DEFB131A: variants seen among roughly 807,000 people sequenced by gnomAD.
DEFB131A encodes the protein beta-defensin 131A.
A neutral mutation model predicts 2.4 loss-of-function variants in DEFB131A; 5 were observed. The observed-to-expected ratio is 2.12, with a 90% confidence interval of 1.11 to 4.47. The LOEUF is 4.47. DEFB131A is among the 30% of genes most tolerant of loss of function. The probability of loss-of-function intolerance (pLI) is 0.00; values close to 1 mark genes in which losing one functional copy is unlikely to be tolerated. For synonymous variants in DEFB131A, 34 were observed against 25.7 expected, an observed-to-expected ratio of 1.32 and a Z score of -0.97; for missense variants, 120 against 79.9, an observed-to-expected ratio of 1.50 and a Z score of -1.91.
In DEFB131A at chr4:9,450,392, T is replaced by C; in HGVS notation, c.91T>C (p.Ser31Pro). ...RSFISNDECPSEYYHCRLKCN... is the reference protein window; with the variant it reads ...RSFISNDECPPEYYHCRLKCN... ...CTTCATTTCTAATGATGAATGTCCT[T>C]CAGAATATTATCATTGCAGACTGAA... Residue 31 changes from serine (S) to proline (P), a missense_variant, in exon 2 of 2, where the codon TCA (serine) becomes CCA (proline). Physicochemically the swap from Ser to Pro is moderately conservative, Grantham distance 74 (BLOSUM62 -1). Coordinates refer to ENST00000334879, the MANE Select transcript of DEFB131A (RefSeq NM_001040448.3). The C allele has an allele frequency of 6.3e-7, 1 of 1,594,128 alleles. No individual in the cohort carries two copies. The highest frequency in any genetic ancestry group is 8.6e-7 in the Non-Finnish European group (1 of 1,169,168).
chr4:9,450,047 A>G (rs987922248), intron 1 of DEFB131A, among the ~76,000 whole-genome samples: 1 of 152,170 alleles, frequency 6.6e-6, no homozygotes, highest in Non-Finnish European at 1.5e-5. Context: ...GTTAAACATT[A>G]TTTCCTGCAT....
At chr4:9,446,743 G>A (rs147726749) in intron 1 of DEFB131A, among the ~76,000 whole-genome samples, 2,070 of 151,818 alleles carry the variant, frequency 0.014, 17 homozygotes, top group African/African-American at 0.047. Flanking sequence ...TTCTCTCTTA[G>A]CACTGTCTTT....
At chr4:9,449,789 C>T (rs1312234028) in intron 1 of DEFB131A, among the ~76,000 whole-genome samples, 3 of 152,140 alleles carry the variant, frequency 2.0e-5, no homozygotes, top group African/African-American at 7.2e-5. Flanking sequence ...CCCGAATACG[C>T]TGGGAAGCTG....
intron 1 of DEFB131A, among the ~76,000 whole-genome samples, chr4:9,445,888 C>A (rs996950914): frequency 6.6e-6 from 1 of 152,106 alleles, no homozygotes; most frequent in African/African-American, 2.4e-5. Flanking sequence ...TATTCCTATT[C>A]TGGACATTTA....
intron 1 of DEFB131A, among the ~76,000 whole-genome samples, chr4:9,447,894 C>A (rs769387029): frequency 1.3e-5 from 2 of 151,526 alleles, no homozygotes; most frequent in Non-Finnish European, 2.9e-5. Context: ...ATAGCAACTT[C>A]CAAAACTTAA....
chr4:9,448,650 A>G (rs546539632), intron 1 of DEFB131A, among the ~76,000 whole-genome samples: 58 of 152,332 alleles, frequency 3.8e-4, no homozygotes, highest in Non-Finnish European at 7.1e-4. Context: ...GTAAAAATAC[A>G]TAATTTTCTT....
intron 1 of DEFB131A, among the ~76,000 whole-genome samples, chr4:9,449,759 A>G (rs1310448013): frequency 6.6e-6 from 1 of 152,106 alleles, no homozygotes; most frequent in Non-Finnish European, 1.5e-5. Context: ...CTTTCTCAAT[A>G]AAGGACACAT....
At chr4:9,447,533 A>G (rs7666647) in intron 1 of DEFB131A, among the ~76,000 whole-genome samples, 5,001 of 152,034 alleles carry the variant, frequency 0.033, 189 homozygotes, top group African/African-American at 0.11. Context: ...TCAAGATGTC[A>G]GCACATTTGG....
intron 1 of DEFB131A, among the ~76,000 whole-genome samples, chr4:9,447,570 C>T (rs566742818): frequency 9.6e-4 from 146 of 152,228 alleles, no homozygotes; most frequent in African/African-American, 3.4e-3. Context: ...TCTTGGCTTG[C>T]AGCTGCTTGC....
At chr4:9,447,894 C>T (rs769387029) in intron 1 of DEFB131A, among the ~76,000 whole-genome samples, 3 of 151,526 alleles carry the variant, frequency 2.0e-5, no homozygotes, top group Non-Finnish European at 4.4e-5. Context: ...ATAGCAACTT[C>T]CAAAACTTAA....
At chr4:9,444,801 C>A (rs190500701) in intron 1 of DEFB131A, among the ~76,000 whole-genome samples, 1 of 151,522 alleles carries the variant, frequency 6.6e-6, no homozygotes, top group African/African-American at 2.4e-5. Context: ...TGAGGCCGGG[C>A]ACAGTGGCTC....
intron 1 of DEFB131A, among the ~76,000 whole-genome samples, chr4:9,446,506 C>T (rs1247892855): frequency 1.3e-5 from 2 of 152,008 alleles, no homozygotes; most frequent in African/African-American, 2.4e-5. Context: ...GTCTAGCTAG[C>T]AGTTTATAAA....
intron 1 of DEFB131A, among the ~76,000 whole-genome samples, chr4:9,450,136 C>A (rs1717617580): frequency 6.6e-6 from 1 of 152,134 alleles, no homozygotes; most frequent in African/African-American, 2.4e-5. Flanking sequence ...ATTTAAAATT[C>A]TGTGCATTTC....
Position 9,450,414 on chromosome 4 carries a change from T to A in DEFB131A, c.113T>A (p.Leu38Gln). 4 of 1,606,776 alleles carry A rather than the reference T, an allele frequency of 2.5e-6. No homozygotes were observed. The highest frequency in any genetic ancestry group is 3.4e-6 in the Non-Finnish European group (4 of 1,176,714). ...CCTTCAGAATATTATCATTGCAGAC[T>A]GAAGTGCAATGCTGATGAACATGCA... ...ECPSEYYHCR[L>Q]KCNADEHAIR... The change falls in exon 2 of 2, where the codon CTG becomes CAG. Residue 38 changes from leucine to glutamine, a missense_variant. Physicochemically the swap from Leu to Gln is moderately radical, Grantham distance 113 (BLOSUM62 -2). Coordinates refer to ENST00000334879, the MANE Select transcript of DEFB131A (RefSeq NM_001040448.3).
rs531050723 is a variant in DEFB131A, at chr4:9,445,903, G to A, written c.58+1312G>A. Among the ~76,000 whole-genome samples the A allele has an allele frequency of 2.8e-4, 42 of 152,168 alleles. No homozygotes were observed. In the South Asian group the frequency reaches 8.5e-3, roughly 31 times the overall value. On this transcript the variant is annotated intron_variant, in intron 1 of 1. Transcript: ENST00000334879. The stretch of plus-strand genomic sequence containing the variant: ...TATTCCTATTCTGGACATTTACTAT[G>A]AACAGAATAAGAAATATGTGATCCT...
chr4:9,448,420 G>A (rs540776511), intron 1 of DEFB131A, among the ~76,000 whole-genome samples: 1 of 152,118 alleles, frequency 6.6e-6, no homozygotes, highest in South Asian at 2.1e-4. Flanking sequence ...AGTGACCTTG[G>A]CTCACTGCAG....
chr4:9,448,286 G>A (rs1457821853), intron 1 of DEFB131A, among the ~76,000 whole-genome samples: 1 of 150,918 alleles, frequency 6.6e-6, no homozygotes, highest in Non-Finnish European at 1.5e-5. Flanking sequence ...AGAGAGGAAA[G>A]TGAAATATTT....
chr4:9,448,770 A>G (rs1717571714), intron 1 of DEFB131A, among the ~76,000 whole-genome samples: 1 of 152,226 alleles, frequency 6.6e-6, no homozygotes, highest in South Asian at 2.1e-4. Context: ...TTCTTCCAAG[A>G]TCAGGAACAA....
At chr4:9,444,917 A>C (rs1269112821) in intron 1 of DEFB131A, among the ~76,000 whole-genome samples, 2 of 146,022 alleles carry the variant, frequency 1.4e-5, no homozygotes, top group African/African-American at 5.1e-5. Flanking sequence ...CCAAAAAAAA[A>C]AAAAAAATAC....
Sources: gnomAD v4.1 joint callset for allele counts (sites outside exome capture counted in the v4.1 genomes callset) on GRCh38, gnomAD v4.1.1 for gene constraint, MANE v1.5 for transcripts, NCBI Gene and HGNC (gene_info 2026-07-23, HGNC 2026-07-21) for gene names.